Variants in RTTN observed in about 807,000 individuals in gnomAD.
RTTN encodes rotatin.
In RTTN, 182 loss-of-function variants were observed where a neutral mutation model predicts 269.2. That is an observed-to-expected ratio of 0.68 (90% confidence interval 0.60 to 0.76). The LOEUF is 0.76. Among genes scored for constraint, RTTN ranks in the 30% least tolerant of loss-of-function variants. The pLI, the probability that RTTN is intolerant of heterozygous loss-of-function variation, is 0.00. For synonymous variants in RTTN, 1,006 were observed against 963.5 expected, an observed-to-expected ratio of 1.04 and a Z score of -0.82; for missense variants, 2,545 against 2,608.6, an observed-to-expected ratio of 0.98 and a Z score of 0.53.
intron 10 of RTTN, among the ~76,000 whole-genome samples, chr18:70,180,992 T>C (rs1196721676): frequency 6.6e-6 from 1 of 152,190 alleles, no homozygotes; most frequent in African/African-American, 2.4e-5. Flanking sequence ...TTTGGAATGG[T>C]GGCAGCAGCA....
At chr18:70,165,223 A>G (rs1456537489) in intron 14 of RTTN, among the ~76,000 whole-genome samples, 1 of 152,010 alleles carries the variant, frequency 6.6e-6, no homozygotes, top group Non-Finnish European at 1.5e-5. Flanking sequence ...AGTTAAGGTG[A>G]ATGAACTAGG....
At chr18:70,193,496 C>T (rs770054593) in intron 7 of RTTN, 43 bp from the exon 8 acceptor site, 5 of 1,317,410 alleles carry the variant, frequency 3.8e-6, no homozygotes, top group East Asian at 2.6e-5. Context: ...TTAGTAGAAA[C>T]AGACTTCTGA....
At chr18:70,009,292 C>T (rs531921373) in intron 46 of RTTN, among the ~76,000 whole-genome samples, 8 of 151,978 alleles carry the variant, frequency 5.3e-5, no homozygotes, top group Non-Finnish European at 8.8e-5. Flanking sequence ...GGCACCACCA[C>T]ACCTGGCTAA....
chr18:70,123,615 C>T (rs1188154411), intron 25 of RTTN, among the ~76,000 whole-genome samples: 1 of 151,984 alleles, frequency 6.6e-6, no homozygotes, highest in South Asian at 2.1e-4. Context: ...GGTATCTTTT[C>T]GGCTTCCAAT....
intron 45 of RTTN, among the ~76,000 whole-genome samples, chr18:70,018,193 T>C (rs1000285257): frequency 2.0e-5 from 3 of 146,470 alleles, no homozygotes; most frequent in African/African-American, 8.3e-5. Context: ...TACTTATCAT[T>C]ACAAGTAAGA....
intron 7 of RTTN, among the ~76,000 whole-genome samples, chr18:70,196,281 A>AATAT (rs1368450413): frequency 7.8e-6 from 1 of 127,710 alleles, no homozygotes; most frequent in Non-Finnish European, 1.8e-5. Flanking sequence ...ACACCTTGTA[A>AATAT]ATATCTCTTA....
intron 40 of RTTN, among the ~76,000 whole-genome samples, chr18:70,038,506 C>G (rs368138582): frequency 2.0e-5 from 3 of 152,142 alleles, no homozygotes; most frequent in South Asian, 4.1e-4. Context: ...TATCCAAGAC[C>G]ACCAAGGCAG....
intron 37 of RTTN, among the ~76,000 whole-genome samples, chr18:70,057,086 G>A (rs1404383033): frequency 1.3e-5 from 2 of 152,216 alleles, no homozygotes; most frequent in African/African-American, 2.4e-5. Flanking sequence ...TTGTAATGGG[G>A]TCTGTCTTAT....
In RTTN at chr18:70,201,952, T is replaced by A; in HGVS notation, c.429A>T (p.Gly143=). The A allele has an allele frequency of 6.2e-7, 1 of 1,611,088 alleles. No homozygotes were observed. The highest frequency in any genetic ancestry group is 8.5e-7 in the Non-Finnish European group (1 of 1,177,368). ...ELSKNPEILT[G]YFPQDKSNFQ... ...AATTACTTTTGTCTTGGGGAAAATATCCTGTTAAGATTTCAGGGTTTTTTG... is the reference window on the plus strand; with the variant it reads ...AATTACTTTTGTCTTGGGGAAAATAACCTGTTAAGATTTCAGGGTTTTTTG... Residue 143 remains glycine, a synonymous_variant, in exon 4 of 49, where the codon GGA becomes GGT. Coordinates refer to ENST00000640769, the MANE Select transcript of RTTN (RefSeq NM_173630.4).
intron 43 of RTTN, 54 bp downstream of exon 43, chr18:70,028,670 A>G: frequency 9.6e-7 from 1 of 1,046,746 alleles, no homozygotes; most frequent in Non-Finnish European, 1.4e-6. Flanking sequence ...CATAAAAATT[A>G]AACTGCTTAA....
In RTTN at chr18:70,142,307, C is replaced by G; in HGVS notation, c.2562G>C (p.Gln854His). ...DLVLRKSAAE[Q>H]LAVIMQDIKM... is the part of the protein sequence containing the mutation. Reference sequence around the variant, plus strand: ...CATTACCTTGCATAATCACAGCTAACTGTTCAGCAGCTGACTTTCTCAAAA... The same window carrying G: ...CATTACCTTGCATAATCACAGCTAAGTGTTCAGCAGCTGACTTTCTCAAAA... Residue 854 changes from glutamine to histidine, a missense_variant, in exon 19 of 49, where the codon CAG becomes CAC. By Grantham distance (24) the Gln-to-His change is conservative (BLOSUM62 0). Transcript: ENST00000640769. 4 of 1,601,656 alleles carry G rather than the reference C, an allele frequency of 2.5e-6. No individual in the cohort carries two copies. The highest frequency in any genetic ancestry group is 3.4e-6 in the Non-Finnish European group (4 of 1,170,580).
At chr18:70,044,651 G>C (rs996444326) in intron 40 of RTTN, among the ~76,000 whole-genome samples, 3 of 152,122 alleles carry the variant, frequency 2.0e-5, no homozygotes, top group Admixed American at 6.5e-5. Context: ...TTATGTGATT[G>C]TGGCCTCTCT....
chr18:70,048,174 A>AT lies in RTTN; in HGVS notation c.5337dup (p.Cys1780MetfsTer34). On this transcript the variant is annotated frameshift_variant, in exon 40 of 49. Transcript: ENST00000640769. LOFTEE classifies it high-confidence loss of function. ...GGACACGTGGCAGACAAGCCTGCAC[A>AT]TGTGCAGAACATATCTAAAGGAATA... The AT allele has an allele frequency of 1.9e-6, 3 of 1,613,914 alleles. No individual in the cohort carries two copies. The highest frequency in any genetic ancestry group is 2.5e-6 in the Non-Finnish European group (3 of 1,179,786).
At chr18:70,009,035 G>T (rs1331154757) in intron 46 of RTTN, 1 of 152,230 alleles carries the variant, frequency 6.6e-6, no homozygotes, top group Non-Finnish European at 1.5e-5. Context: ...TACCCACCAA[G>T]GGAAGCCCAT....
In RTTN at chr18:70,157,812, A is replaced by G. The variant is rs1023857346; in HGVS notation, c.1930-7079T>C. The stretch of plus-strand genomic sequence containing the variant: ...AAAATTTCATGATAGGAATTTCATA[A>G]TGCAATTGGAAGCATTAATAACATA... On this transcript the variant is annotated intron_variant, in intron 14 of 48. Coordinates refer to ENST00000640769, the MANE Select transcript of RTTN (RefSeq NM_173630.4). Among the ~76,000 whole-genome samples the G allele has an allele frequency of 2.6e-5, 4 of 152,188 alleles. No individual in the cohort carries two copies. The East Asian group carries it at 7.7e-4, about 29-fold the overall frequency.
At chr18:70,029,506 G>T (rs1217864679) in intron 42 of RTTN, among the ~76,000 whole-genome samples, 1 of 152,112 alleles carries the variant, frequency 6.6e-6, no homozygotes, top group Non-Finnish European at 1.5e-5. Flanking sequence ...GATAAACAGA[G>T]ATGAGGAATA....
chr18:70,186,340 T>C (rs2061546492), intron 10 of RTTN, among the ~76,000 whole-genome samples: 1 of 152,236 alleles, frequency 6.6e-6, no homozygotes, highest in African/African-American at 2.4e-5. Context: ...TTCCATGCCA[T>C]TTCACTAAAT....
intron 7 of RTTN, among the ~76,000 whole-genome samples, chr18:70,195,707 C>A (rs2061789147): frequency 6.6e-6 from 1 of 152,190 alleles, no homozygotes; most frequent in Non-Finnish European, 1.5e-5. Flanking sequence ...TTATTAAATA[C>A]ATTAACAATT....
At chr18:70,201,752 C>G (rs189737953) in intron 4 of RTTN, 142 bp downstream of exon 4, 1 of 568,832 alleles carries the variant, frequency 1.8e-6, no homozygotes, top group East Asian at 3.1e-5. Context: ...CCTAAACTAA[C>G]TTGAAACAAC....
Sources: allele counts gnomAD v4.1 joint callset (sites outside exome capture counted in the v4.1 genomes callset), GRCh38; gene constraint gnomAD v4.1.1; transcripts MANE v1.5; gene names NCBI Gene and HGNC (gene_info 2026-07-23, HGNC 2026-07-21).